DOCK1: variants seen among roughly 807,000 people sequenced by gnomAD.
The protein encoded by DOCK1 is dedicator of cytokinesis protein 1.
Under a neutral mutation model 262.7 loss-of-function variants are expected in DOCK1, and 138 were observed. The observed-to-expected ratio is 0.53, with a 90% CI of 0.46 to 0.61. The LOEUF (loss-of-function observed/expected upper bound fraction) is 0.61. DOCK1 is among the 20% of genes least tolerant of loss of function. DOCK1 has a pLI of 0.00. For missense variants in DOCK1, 1,908 were observed against 2,370.7 expected, an observed-to-expected ratio of 0.80 and a Z score of 4.05; for synonymous variants, 866 against 867.4, an observed-to-expected ratio of 1.00 and a Z score of 0.03.
rs373623794 is a variant in DOCK1 at position 127,429,076 on chromosome 10, A to G, written c.4914+3065A>G. Among the ~76,000 whole-genome samples, 216 of 109,246 alleles carry G rather than the reference A, an allele frequency of 2.0e-3. 1 individual carries two copies. The highest frequency in any genetic ancestry group is 5.7e-3 in the East Asian group (18 of 3,140). The allele number at this position is 109,246 out of a possible 152,430, so 71.7% of individuals were successfully genotyped here. A position where few individuals can be genotyped will look rare whatever the true frequency, so the allele number is the denominator to read the frequency against. On this transcript the variant is annotated intron_variant, in intron 47 of 51. Transcript: ENST00000623213. ...GGGGTGCTGTGTGGATTGGGGTACC[A>G]TGTGGATTGGGGTGCCGTGTGGATT...
intron 34 of DOCK1, 76 bp downstream of exon 34, chr10:127,373,942 C>A (rs1040483932): frequency 7.9e-5 from 122 of 1,535,800 alleles, no homozygotes; most frequent in Non-Finnish European, 1.0e-4. Flanking sequence ...CTACAATGAA[C>A]TTTGTAACCC....
At chr10:127,423,809 CAA>C (rs1158179174) in intron 46 of DOCK1, among the ~76,000 whole-genome samples, 1 of 152,118 alleles carries the variant, frequency 6.6e-6, no homozygotes, top group Admixed American at 6.5e-5. Context: ...CAGACAGGAG[CAA>C]ACTTCAAATA....
intron 50 of DOCK1, among the ~76,000 whole-genome samples, chr10:127,445,696 A>C (rs2070493178): frequency 6.6e-6 from 1 of 152,236 alleles, no homozygotes. Context: ...GGACTCAAAC[A>C]GATACTTAAT....
chr10:126,931,554 A>T (rs2034188245), intron 1 of DOCK1, among the ~76,000 whole-genome samples: 1 of 152,148 alleles, frequency 6.6e-6, no homozygotes, highest in Non-Finnish European at 1.5e-5. Context: ...AGACTTGGAG[A>T]GGCATGGATA....
Position 127,410,923 on chromosome 10 carries a change from C to A in DOCK1, c.4427C>A (p.Ala1476Glu). The A allele has an allele frequency of 6.2e-7, 1 of 1,611,978 alleles. No individual in the cohort carries two copies. The highest frequency in any genetic ancestry group is 8.5e-7 in the Non-Finnish European group (1 of 1,179,216). Reference protein sequence around the residue: ...KGEKNPDNEFANMWIERTIYT... With the variant: ...KGEKNPDNEFENMWIERTIYT... ...GAGAAAAACCCAGACAATGAATTTG[C>A]GGTAAAAAACAAACAAACCACCAAA... Residue 1476 changes from alanine (A) to glutamate (E), a missense_variant and splice_region_variant, in exon 43 of 52, where the codon GCG becomes GAG. By Grantham distance (107) the Ala-to-Glu change is moderately radical (BLOSUM62 -1). This residue lies in a region of DOCK1 where 267 missense variants were observed against 366.3 expected (regional missense o/e 0.73). Transcript: ENST00000623213.
intron 27 of DOCK1, among the ~76,000 whole-genome samples, chr10:127,223,485 C>T (rs1328149864): frequency 6.6e-6 from 1 of 152,042 alleles, no homozygotes; most frequent in Non-Finnish European, 1.5e-5. Flanking sequence ...CTCCAAAACC[C>T]CAAAATTTTT....
chr10:127,196,540 CCG>C (rs1360254024), intron 27 of DOCK1, among the ~76,000 whole-genome samples: 20 of 147,574 alleles, frequency 1.4e-4, no homozygotes, highest in Admixed American at 6.7e-5. Flanking sequence ...GCGCCCCAAG[CCG>C]CGCGCCTGCC....
At chr10:127,227,818 G>A (rs1214278107) in intron 27 of DOCK1, among the ~76,000 whole-genome samples, 11 of 152,154 alleles carry the variant, frequency 7.2e-5, no homozygotes, top group African/African-American at 1.9e-4. Context: ...TTCTGCTGGG[G>A]CATTGACATT....
chr10:127,042,608 C>T lies in DOCK1; in HGVS notation c.2011-17C>T, dbSNP rs748894762. On this transcript the variant is annotated splice_polypyrimidine_tract_variant and intron_variant, in intron 19 of 51. Coordinates refer to ENST00000623213, the MANE Select transcript of DOCK1 (RefSeq NM_001290223.2). ...CGGTGGGTTCACATTGTCACCCGAC[C>T]TTCTGTGTCTATGCAGTTTCTTCAG... 7.4e-6 allele frequency: 12 copies of T among 1,612,734 alleles called. No individual in the cohort carries two copies. In the Admixed American group the frequency reaches 2.0e-4, roughly 27 times the overall value.
At chr10:127,005,182 A>G (rs2040920407) in intron 10 of DOCK1, among the ~76,000 whole-genome samples, 1 of 151,982 alleles carries the variant, frequency 6.6e-6, no homozygotes, top group South Asian at 2.1e-4. Context: ...ACCCAAAAAA[A>G]CTAAAAAACA....
At chr10:127,323,355 G>A (rs2062619055) in intron 29 of DOCK1, among the ~76,000 whole-genome samples, 1 of 152,166 alleles carries the variant, frequency 6.6e-6, no homozygotes, top group Non-Finnish European at 1.5e-5. Flanking sequence ...GATATGTCCT[G>A]TCCGGTGGGG....
At chr10:126,983,759 C>T (rs368316617) in intron 4 of DOCK1, among the ~76,000 whole-genome samples, 16 of 152,200 alleles carry the variant, frequency 1.1e-4, no homozygotes, top group South Asian at 8.3e-4. Flanking sequence ...TCTCTCTGGA[C>T]GCTGACTTCA....
At chr10:127,259,708 TC>T (rs2059951116) in intron 29 of DOCK1, among the ~76,000 whole-genome samples, 1 of 151,898 alleles carries the variant, frequency 6.6e-6, no homozygotes, top group African/African-American at 2.4e-5. Flanking sequence ...CGGGATGGGC[TC>T]CCTGAAGTTG....
chr10:127,354,724 C>G lies in DOCK1; in HGVS notation c.3280C>G (p.Leu1094Val), dbSNP rs538891858. ...TGAAATCAGAGACATGTGGTACAAC[C>G]TTGGTGAGTAGCCTGGATGTGGGGG... ...GFEIRDMWYNLGQHKIKFIPE... is the reference protein window; with the variant it reads ...GFEIRDMWYNVGQHKIKFIPE... The change falls in exon 32 of 52, where the codon CTT becomes GTT. Residue 1094 changes from leucine to valine, a missense_variant. Leu to Val is a conservative substitution (Grantham distance 32, BLOSUM62 1). Transcript: ENST00000623213. 1.9e-6 allele frequency: 3 copies of G among 1,613,792 alleles called. No individual in the cohort carries two copies. Among genetic ancestry groups the G allele is most frequent in the East Asian group, 4.5e-5 (2 of 44,878 alleles).
At chr10:127,015,474 T>C (rs2041802261) in intron 12 of DOCK1, among the ~76,000 whole-genome samples, 2 of 152,150 alleles carry the variant, frequency 1.3e-5, no homozygotes, top group Admixed American at 6.5e-5. Flanking sequence ...AAAGTGGGCC[T>C]TTCTCCTGCC....
intron 27 of DOCK1, among the ~76,000 whole-genome samples, chr10:127,157,100 G>C (rs1294623506): frequency 6.6e-6 from 1 of 152,228 alleles, no homozygotes; most frequent in Non-Finnish European, 1.5e-5. Flanking sequence ...GCATAAATGA[G>C]CGAACGGTTA....
At chr10:126,977,456 G>A (rs540347654) in intron 2 of DOCK1, among the ~76,000 whole-genome samples, 50 of 152,302 alleles carry the variant, frequency 3.3e-4, no homozygotes, top group African/African-American at 1.1e-3. Flanking sequence ...TTGTGAGGTC[G>A]TGGCTGCTCC....
chr10:127,161,758 C>A (rs1470154633), intron 27 of DOCK1, among the ~76,000 whole-genome samples: 1 of 152,188 alleles, frequency 6.6e-6, no homozygotes, highest in Non-Finnish European at 1.5e-5. Flanking sequence ...ACCTGTCTTG[C>A]CATGTTGTCA....
At chr10:127,055,198 G>A (rs1204766692) in intron 22 of DOCK1, among the ~76,000 whole-genome samples, 2 of 152,038 alleles carry the variant, frequency 1.3e-5, no homozygotes, top group Non-Finnish European at 2.9e-5. Flanking sequence ...GCAGCCCGGA[G>A]GAAGAGTTCC....
Sources: allele counts gnomAD v4.1 joint callset (sites outside exome capture counted in the v4.1 genomes callset), GRCh38; gene constraint gnomAD v4.1.1; regional missense constraint gnomAD v4.1.1; transcripts MANE v1.5; gene names NCBI Gene and HGNC (gene_info 2026-07-23, HGNC 2026-07-21).